MAB21L3: variants seen among roughly 807,000 people sequenced by gnomAD.
MAB21L3 encodes protein mab-21-like 3.
Under a neutral mutation model 37.7 loss-of-function variants are expected in MAB21L3, and 36 were observed. The ratio of observed to expected loss-of-function variants is 0.96; its 90% CI spans 0.73 to 1.26. The LOEUF is 1.26. MAB21L3 is among the 50% of genes most tolerant of loss of function. MAB21L3 has a pLI of 0.00. For missense variants in MAB21L3, 430 were observed against 447.3 expected, an observed-to-expected ratio of 0.96 and a Z score of 0.35; for synonymous variants, 186 against 176.8, an observed-to-expected ratio of 1.05 and a Z score of -0.41.
intron 4 of MAB21L3, 116 bp downstream of exon 4, chr1:116,121,188 T>G (rs1659739278): frequency 9.5e-7 from 1 of 1,057,764 alleles, no homozygotes; most frequent in Non-Finnish European, 1.4e-6. Context: ...CAATTCTTGT[T>G]TTCATAGGTA....
rs750057560 is a variant in MAB21L3, at chr1:116,128,208, G to A, written c.724G>A (p.Glu242Lys). The A allele has an allele frequency of 2.5e-5, 40 of 1,614,048 alleles. No homozygotes were observed. In the Middle Eastern group the frequency reaches 4.9e-4, roughly 20 times the overall value. The change falls in exon 7 of 8, where the codon GAG becomes AAG. Residue 242 changes from glutamate to lysine, a missense_variant. Glu to Lys is a moderately conservative substitution (Grantham distance 56). Coordinates refer to ENST00000369500, the MANE Select transcript of MAB21L3 (RefSeq NM_152367.3). ...YHWQLSFLRA[E>K]QVLLEQLDED... Reference sequence around the variant, plus strand: ...CTGGCAGCTGAGCTTCCTCCGTGCTGAGCAGGTGTTACTGGAACAGCTGGA... The same window carrying A: ...CTGGCAGCTGAGCTTCCTCCGTGCTAAGCAGGTGTTACTGGAACAGCTGGA...
intron 4 of MAB21L3, among the ~76,000 whole-genome samples, chr1:116,122,152 G>T (rs970446841): frequency 6.6e-6 from 1 of 152,210 alleles, no homozygotes; most frequent in Non-Finnish European, 1.5e-5. Flanking sequence ...ACCATTGCTG[G>T]CCCATTACAT....
intron 7 of MAB21L3, among the ~76,000 whole-genome samples, chr1:116,131,488 G>C (rs1660063560): frequency 1.3e-5 from 2 of 152,160 alleles, no homozygotes; most frequent in South Asian, 4.1e-4. Context: ...CAAACAATGG[G>C]AAGACCTTGA....
In MAB21L3 at chr1:116,133,492, A is replaced by G. The variant is rs986456690; in HGVS notation, c.*127A>G. The G allele has an allele frequency of 1.9e-5, 15 of 808,608 alleles. No homozygotes were observed. Among genetic ancestry groups the G allele is most frequent in the Non-Finnish European group, 2.6e-5 (13 of 509,114 alleles). 50.1% of individuals were successfully genotyped at this position (808,608 alleles called of 1,614,324 possible). ...GGCCACGAATGGCAGCGGAAATTAC[A>G]TCAAACCAGAAACACTTCAGCAGGG... On this transcript the variant is annotated 3_prime_UTR_variant, in exon 8 of 8. Transcript: ENST00000369500.
At chr1:116,118,273 TC>T (rs1260511376) in intron 3 of MAB21L3, among the ~76,000 whole-genome samples, 2 of 151,830 alleles carry the variant, frequency 1.3e-5, no homozygotes, top group Non-Finnish European at 2.9e-5. Context: ...TCCCAGCTAC[TC>T]GGGAGGCTGA....
Position 116,133,349 on chromosome 1 carries a change from AGATCGGCCCG to A in MAB21L3, c.1074_1083del (p.Gln358HisfsTer112). On this transcript the variant is annotated frameshift_variant, in exon 8 of 8. Transcript: ENST00000369500. LOFTEE classifies it high-confidence loss of function. Reference sequence around the variant, plus strand: ...CTGGCCACCTTCCTGAAGAACCCCCAGATCGGCCCGCCCTGATGGTTGCCCCGGCCTGGGA... The same window carrying A: ...CTGGCCACCTTCCTGAAGAACCCCCACCCTGATGGTTGCCCCGGCCTGGGA... The A allele has an allele frequency of 6.2e-7, 1 of 1,614,136 alleles. No individual in the cohort carries two copies. Among genetic ancestry groups the A allele is most frequent in the Non-Finnish European group, 8.5e-7 (1 of 1,179,998 alleles).
Position 116,112,620 on chromosome 1 carries a change from A to G in MAB21L3, c.5A>G (p.Lys2Arg), listed in dbSNP as rs1659454206. Residue 2 changes from lysine (K) to arginine (R), a missense_variant, in exon 3 of 8, where the codon AAA becomes AGA. Transcript: ENST00000369500. Reference protein sequence around the residue: MKYLTVGDLEDC... With the variant: MRYLTVGDLEDC... ...CTGAGGACTGACCAAGAAGCCATGA[A>G]ATACCTTACTGTGGGAGACTTAGAA... The G allele has an allele frequency of 6.2e-7, 1 of 1,613,884 alleles. No individual in the cohort carries two copies. The highest frequency in any genetic ancestry group is 2.2e-5 in the East Asian group (1 of 44,874).
intron 6 of MAB21L3, 43 bp from the exon 7 acceptor site, chr1:116,128,102 G>A (rs375128178): frequency 1.3e-6 from 2 of 1,575,978 alleles, no homozygotes; most frequent in Non-Finnish European, 1.7e-6. Flanking sequence ...ACACCAGTGA[G>A]CATTGTTCTT....
intron 4 of MAB21L3, among the ~76,000 whole-genome samples, chr1:116,121,796 C>T (rs994400850): frequency 2.6e-5 from 4 of 152,240 alleles, no homozygotes; most frequent in African/African-American, 9.6e-5. Context: ...GAGCTGTACA[C>T]AGAGAAACGA....
chr1:116,136,251 CCTT>C lies in MAB21L3; in HGVS notation c.*2887_*2889del, dbSNP rs1352796156. On this transcript the variant is annotated 3_prime_UTR_variant, in exon 8 of 8. Transcript: ENST00000369500. ...ACCCCATTGTCTCAGCCCAAAATCTCCTTAAGCTGATAAGCAACTTCAGCAAAG... is the reference window on the plus strand; with the variant it reads ...ACCCCATTGTCTCAGCCCAAAATCTCAAGCTGATAAGCAACTTCAGCAAAG... Among the ~76,000 whole-genome samples the C allele has an allele frequency of 2.0e-5, 3 of 151,912 alleles. No homozygotes were observed. The highest frequency in any genetic ancestry group is 4.8e-5 in the African/African-American group (2 of 41,336).
intron 5 of MAB21L3, among the ~76,000 whole-genome samples, chr1:116,124,872 CACACACACACACACACAT>C (rs1659855525): frequency 2.4e-5 from 2 of 82,168 alleles, no homozygotes; most frequent in African/African-American, 3.6e-5. Context: ...CATATGCATA[CACACACACACACACACAT>C]ACACACACAC....
chr1:116,112,276 T>C, intron 2 of MAB21L3, 131 bp from the exon 3 acceptor site: 1 of 232,724 alleles, frequency 4.3e-6, no homozygotes, highest in Admixed American at 5.0e-5. Context: ...GGGTGGGAAA[T>C]ACAATTTGGA....
rs1346217263 is a variant in MAB21L3, at chr1:116,135,201, A to G, written c.*1836A>G. 6.6e-6 allele frequency: 1 copy of G among 152,058 alleles called. No homozygotes were observed. The highest frequency in any genetic ancestry group is 2.4e-5 in the African/African-American group (1 of 41,380). The allele number at this position is 152,058 out of a possible 1,614,324, so 9.4% of individuals were successfully genotyped here. A position where few individuals can be genotyped will look rare whatever the true frequency, so the allele number is the denominator to read the frequency against. On this transcript the variant is annotated 3_prime_UTR_variant, in exon 8 of 8. Coordinates refer to ENST00000369500, the MANE Select transcript of MAB21L3 (RefSeq NM_152367.3). ...AATAGATCCAGGAGCTGGTTTTTTG[A>G]AAGGATCAACAAAATTGATAGACTG...
At chr1:116,130,983 G>A (rs1458742617) in intron 7 of MAB21L3, among the ~76,000 whole-genome samples, 1 of 152,120 alleles carries the variant, frequency 6.6e-6, no homozygotes, top group African/African-American at 2.4e-5. Context: ...AATAAAGACT[G>A]TATAAAAATA....
Position 116,128,251 on chromosome 1 carries a change from G to A in MAB21L3, c.767G>A (p.Arg256His), listed in dbSNP as rs775822482. The A allele has an allele frequency of 2.4e-5, 39 of 1,614,008 alleles. No individual in the cohort carries two copies. The highest frequency in any genetic ancestry group is 2.8e-5 in the Non-Finnish European group (33 of 1,180,020). Reference protein sequence around the residue: ...LEQLDEDGGCRRKCFQVMRHL... With the variant: ...LEQLDEDGGCHRKCFQVMRHL... Reference sequence around the variant, plus strand: ...CAGCTGGATGAAGATGGGGGCTGCCGTAGGAAGTGTTTTCAGGTCATGAGG... The same window carrying A: ...CAGCTGGATGAAGATGGGGGCTGCCATAGGAAGTGTTTTCAGGTCATGAGG... Residue 256 changes from arginine to histidine, a missense_variant, in exon 7 of 8, where the codon CGT (arginine) becomes CAT (histidine). Coordinates refer to ENST00000369500, the MANE Select transcript of MAB21L3 (RefSeq NM_152367.3).
At chr1:116,133,037 C>A in intron 7 of MAB21L3, 95 bp from the exon 8 acceptor site, 1 of 1,044,276 alleles carries the variant, frequency 9.6e-7, no homozygotes, top group Non-Finnish European at 1.4e-6. Context: ...CTCTTTTCTC[C>A]CTCCTTCCAA....
At position 116,136,866 on chromosome 1, in the gene MAB21L3, C is replaced by A. The variant is rs562802301; in HGVS notation, c.*3501C>A. On this transcript the variant is annotated 3_prime_UTR_variant, in exon 8 of 8. Coordinates refer to ENST00000369500, the MANE Select transcript of MAB21L3 (RefSeq NM_152367.3). ...CTTTGACAAACCTGAGAAAAACAAGCAATGGGGAAAGGATTCCCTATTTAA... is the reference window on the plus strand; with the variant it reads ...CTTTGACAAACCTGAGAAAAACAAGAAATGGGGAAAGGATTCCCTATTTAA... 2.5e-3 allele frequency among the ~76,000 whole-genome samples: 355 copies of A among 142,728 alleles called. 6 individuals carry two copies. In the East Asian group the frequency reaches 0.038, roughly 15 times the overall value. 93.6% of individuals were successfully genotyped at this position (142,728 alleles called of 152,430 possible). A position where few individuals can be genotyped will look rare whatever the true frequency, so the allele number is the denominator to read the frequency against.
At chr1:116,124,455 A>G (rs1570808648) in intron 5 of MAB21L3, 98 bp downstream of exon 5, 7 of 1,088,434 alleles carry the variant, frequency 6.4e-6, no homozygotes, top group East Asian at 4.9e-5. Context: ...CACAGCCTAC[A>G]TTTGAGAAAA....
intron 5 of MAB21L3, among the ~76,000 whole-genome samples, chr1:116,127,106 A>G (rs1270962329): frequency 2.0e-5 from 3 of 152,198 alleles, no homozygotes; most frequent in African/African-American, 7.2e-5. Context: ...CATCTATACT[A>G]CACTTTTTCT....
Sources: allele counts gnomAD v4.1 joint callset (sites outside exome capture counted in the v4.1 genomes callset), GRCh38; gene constraint gnomAD v4.1.1; transcripts MANE v1.5; gene names NCBI Gene and HGNC (gene_info 2026-07-23, HGNC 2026-07-21).